The following NFX1 variants were observed in gnomAD, a reference collection of about 807,000 sequenced individuals.
NFX1 encodes the protein nuclear transcription factor, X-box binding 1, also known as transcriptional repressor NF-X1.
NFX1 carries 69 observed loss-of-function variants against 137.2 expected under a neutral mutation model. The ratio of observed to expected loss-of-function variants is 0.50; its 90% CI spans 0.41 to 0.61. NFX1 has a LOEUF of 0.61. Among genes scored for constraint, NFX1 ranks in the 20% least tolerant of loss-of-function variants. The probability of loss-of-function intolerance (pLI) is 0.00; values close to 1 mark genes in which losing one functional copy is unlikely to be tolerated. For missense variants in NFX1, 1,167 were observed against 1,391.0 expected, an observed-to-expected ratio of 0.84 and a Z score of 2.56; for synonymous variants, 495 against 474.1, an observed-to-expected ratio of 1.04 and a Z score of -0.57.
chr9:33,328,629 C>T lies in NFX1; in HGVS notation c.1955C>T (p.Pro652Leu). 2 of 1,612,384 alleles carry T rather than the reference C, an allele frequency of 1.2e-6. No homozygotes were observed. The highest frequency in any genetic ancestry group is 1.7e-6 in the Non-Finnish European group (2 of 1,178,656). The change falls in exon 10 of 24, where the codon CCA becomes CTA. Residue 652 changes from proline (P) to leucine (L), a missense_variant. Pro to Leu is a moderately conservative substitution (Grantham distance 98, BLOSUM62 -3). This residue lies in a region of NFX1 where 488 missense variants were observed against 691.5 expected (regional missense o/e 0.71). Transcript: ENST00000379540. Reference sequence around the variant, plus strand: ...CTCTGCCATGAAGGAGACTGTGGACCATGCTCTCGCACATCAGTTATTTCC... The same window carrying T: ...CTCTGCCATGAAGGAGACTGTGGACTATGCTCTCGCACATCAGTTATTTCC... ...EKLCHEGDCGPCSRTSVISCR... is the reference protein window; with the variant it reads ...EKLCHEGDCGLCSRTSVISCR...
In NFX1 at chr9:33,318,804, T is replaced by G. The variant is rs747345263; in HGVS notation, c.1662T>G (p.Asp554Glu). ...TAGGAAAGTCTGATGGATTTGGGGA[T>G]TTCAGCTGTTTAAAGATATGTGGCA... ...TDVGKSDGFG[D>E]FSCLKICGKD... is the part of the protein sequence containing the mutation. Residue 554 changes from aspartate (D) to glutamate (E), a missense_variant, in exon 8 of 24, where the codon GAT becomes GAG. Physicochemically the swap from Asp to Glu is conservative, Grantham distance 45 (BLOSUM62 2). This residue lies in a region of NFX1 where 488 missense variants were observed against 691.5 expected (regional missense o/e 0.71). Transcript: ENST00000379540. The G allele has an allele frequency of 2.5e-6, 4 of 1,614,168 alleles. No homozygotes were observed. The highest frequency in any genetic ancestry group is 1.1e-5 in the South Asian group (1 of 91,080).
intron 13 of NFX1, 80 bp from the exon 14 acceptor site, chr9:33,343,989 G>C (rs1057509803): frequency 6.4e-7 from 1 of 1,567,166 alleles, no homozygotes; most frequent in African/African-American, 1.4e-5. Flanking sequence ...GCAAAAATGT[G>C]TGTGTTTGTG....
chr9:33,314,914 T>G, intron 7 of NFX1, among the ~76,000 whole-genome samples: 1 of 152,332 alleles, frequency 6.6e-6, no homozygotes. Flanking sequence ...TTGTGTTTAT[T>G]ATATGCTAGC....
At chr9:33,300,309 C>T (rs1034082508) in intron 2 of NFX1, among the ~76,000 whole-genome samples, 3 of 151,872 alleles carry the variant, frequency 2.0e-5, no homozygotes, top group South Asian at 2.1e-4. Flanking sequence ...ATGATCTGCC[C>T]GCCTTGGCCT....
intron 1 of NFX1, among the ~76,000 whole-genome samples, chr9:33,292,101 A>G (rs1821183729): frequency 6.6e-6 from 1 of 152,084 alleles, no homozygotes; most frequent in Non-Finnish European, 1.5e-5. Flanking sequence ...TGTACCCTTC[A>G]GTGTTTGAAG....
intron 11 of NFX1, among the ~76,000 whole-genome samples, chr9:33,333,956 C>T (rs1322742322): frequency 6.6e-6 from 1 of 152,044 alleles, no homozygotes; most frequent in African/African-American, 2.4e-5. Flanking sequence ...GCCAGCCTAG[C>T]CAACATGGTG....
intron 5 of NFX1, 43 bp from the exon 6 acceptor site, chr9:33,311,063 G>C (rs1358279862): frequency 5.0e-6 from 8 of 1,595,976 alleles, no homozygotes; most frequent in Non-Finnish European, 6.9e-6. Context: ...TTCGGGTTTG[G>C]ATACATGGCT....
intron 4 of NFX1, among the ~76,000 whole-genome samples, chr9:33,304,599 G>A (rs1821688569): frequency 6.6e-6 from 1 of 152,086 alleles, no homozygotes; most frequent in African/African-American, 2.4e-5. Flanking sequence ...CTTAACCACA[G>A]TATCATTTAA....
chr9:33,349,496 A>T (rs1174618369), intron 15 of NFX1, among the ~76,000 whole-genome samples: 2 of 152,172 alleles, frequency 1.3e-5, no homozygotes, highest in African/African-American at 4.8e-5. Context: ...TTCCAGTGCG[A>T]TGGGAAATAT....
intron 12 of NFX1, among the ~76,000 whole-genome samples, chr9:33,342,376 G>A (rs1231484893): frequency 1.3e-5 from 2 of 151,090 alleles, no homozygotes; most frequent in African/African-American, 2.4e-5. Flanking sequence ...GCAGGAGAAC[G>A]GTGTGAACCT....
intron 19 of NFX1, among the ~76,000 whole-genome samples, chr9:33,358,286 G>A (rs1274835450): frequency 1.3e-5 from 2 of 151,806 alleles, no homozygotes; most frequent in Admixed American, 1.3e-4. Context: ...CACTACACCC[G>A]GCTAATTTTT....
intron 2 of NFX1, among the ~76,000 whole-genome samples, chr9:33,297,964 T>C (rs1243868828): frequency 1.3e-5 from 2 of 152,212 alleles, no homozygotes; most frequent in African/African-American, 4.8e-5. Flanking sequence ...AACAAATCTC[T>C]TGGGGCCTTA....
At chr9:33,322,553 C>T (rs924433548) in intron 9 of NFX1, among the ~76,000 whole-genome samples, 3 of 152,176 alleles carry the variant, frequency 2.0e-5, no homozygotes, top group African/African-American at 7.2e-5. Flanking sequence ...CTCCACCAAG[C>T]TCCCACTTAC....
intron 2 of NFX1, among the ~76,000 whole-genome samples, chr9:33,296,620 A>G (rs1405195773): frequency 3.3e-5 from 5 of 152,220 alleles, no homozygotes; most frequent in Admixed American, 6.5e-5. Context: ...CTGTAGTCCC[A>G]GACACTCAGG....
chr9:33,335,704 C>G (rs1327524965), intron 11 of NFX1, among the ~76,000 whole-genome samples: 1 of 152,106 alleles, frequency 6.6e-6, no homozygotes, highest in African/African-American at 2.4e-5. Context: ...AGCATTTACT[C>G]CCCACTCAGT....
chr9:33,341,034 T>C (rs1823200682), intron 12 of NFX1, among the ~76,000 whole-genome samples: 2 of 152,210 alleles, frequency 1.3e-5, no homozygotes, highest in Admixed American at 1.3e-4. Context: ...GTTACCCAGT[T>C]CCAAAGTCAC....
At chr9:33,359,501 A>T (rs1823925081) in intron 19 of NFX1, among the ~76,000 whole-genome samples, 1 of 152,152 alleles carries the variant, frequency 6.6e-6, no homozygotes, top group African/African-American at 2.4e-5. Context: ...CAGGAGGCTA[A>T]GGCAAGAGAA....
chr9:33,318,224 G>A (rs1363256478), intron 7 of NFX1, among the ~76,000 whole-genome samples: 1 of 152,080 alleles, frequency 6.6e-6, no homozygotes, highest in African/African-American at 2.4e-5. Flanking sequence ...TTTTACAAGT[G>A]TTTTATGTAA....
chr9:33,356,990 TCA>T (rs1823830444), intron 19 of NFX1, among the ~76,000 whole-genome samples: 2 of 113,600 alleles, frequency 1.8e-5, no homozygotes, highest in Non-Finnish European at 1.9e-5. Context: ...AAATGCTGTC[TCA>T]AAAAAAAAAA....
Sources: gnomAD v4.1 joint callset for allele counts (sites outside exome capture counted in the v4.1 genomes callset) on GRCh38, gnomAD v4.1.1 for gene constraint, gnomAD v4.1.1 regional missense constraint, MANE v1.5 for transcripts, NCBI Gene and HGNC (gene_info 2026-07-23, HGNC 2026-07-21) for gene names.